KCTD1: variants seen among roughly 807,000 people sequenced by gnomAD.
KCTD1 encodes the protein potassium channel tetramerization domain containing 1, also known as BTB/POZ domain-containing protein KCTD1.
KCTD1 carries 24 observed loss-of-function variants against 66.0 expected under a neutral mutation model. That is an observed-to-expected ratio of 0.36 (90% confidence interval 0.26 to 0.51). The LOEUF is 0.51. KCTD1 is among the 20% of genes least tolerant of loss of function. The pLI is 0.95. For missense variants in KCTD1, 943 were observed against 1,205.2 expected (o/e 0.78, Z 3.22); for synonymous variants, 511 against 517.2 (o/e 0.99, Z 0.16).
chr18:26,576,290 A>G (rs1232165254), intron 1 of KCTD1, among the ~76,000 whole-genome samples: 1 of 152,220 alleles, frequency 6.6e-6, no homozygotes, highest in African/African-American at 2.4e-5. Flanking sequence ...AATGCATAGT[A>G]CATGGTAGGA....
chr18:26,572,721 GC>G (rs1441649336), intron 1 of KCTD1, among the ~76,000 whole-genome samples: 2 of 152,132 alleles, frequency 1.3e-5, no homozygotes, highest in South Asian at 2.1e-4. Context: ...TTCAGGAACT[GC>G]CCCCCATGGT....
intron 2 of KCTD1, among the ~76,000 whole-genome samples, chr18:26,495,335 C>T (rs17224733): frequency 0.045 from 6,925 of 152,262 alleles, 204 homozygotes; most frequent in Non-Finnish European, 0.069. Flanking sequence ...TGAATGTATG[C>T]ACCAATCCCT....
chr18:26,616,226 C>G (rs922152857), intron 1 of KCTD1, among the ~76,000 whole-genome samples: 4 of 149,760 alleles, frequency 2.7e-5, no homozygotes, highest in Non-Finnish European at 5.9e-5. Context: ...CATGGCTCAT[C>G]ATCATGGGTC....
intron 3 of KCTD1, among the ~76,000 whole-genome samples, chr18:26,463,367 T>C (rs1980542517): frequency 6.6e-6 from 1 of 151,684 alleles, no homozygotes; most frequent in South Asian, 2.1e-4. Context: ...CAGTGAGCTA[T>C]GTTTGCATCA....
In KCTD1 at chr18:26,502,067, T is replaced by C. The variant is rs1198401306; in HGVS notation, c.1810-817A>G. ...AAATTGTACCTTTTTTTTCTTTTTT[T>C]GAGATGGAGTCTCGCTCTGTCGCCC... On this transcript the variant is annotated intron_variant, in intron 1 of 4. Coordinates refer to ENST00000580059, the MANE Select transcript of KCTD1 (RefSeq NM_001142730.3). 2.6e-5 allele frequency among the ~76,000 whole-genome samples: 4 copies of C among 152,226 alleles called. No homozygotes were observed. In the East Asian group the frequency reaches 7.7e-4, roughly 29 times the overall value.
intron 1 of KCTD1, among the ~76,000 whole-genome samples, chr18:26,536,193 C>G (rs1002570617): frequency 2.6e-5 from 4 of 152,148 alleles, no homozygotes; most frequent in Non-Finnish European, 5.9e-5. Flanking sequence ...GCTCCAAAGC[C>G]ATACATTTAG....
chr18:26,584,792 G>A (rs1315735873), intron 1 of KCTD1, among the ~76,000 whole-genome samples: 1 of 152,156 alleles, frequency 6.6e-6, no homozygotes, highest in African/African-American at 2.4e-5. Flanking sequence ...TAGAGTAGGT[G>A]AAGTATAAAC....
chr18:26,627,750 T>C (rs1380029008), intron 1 of KCTD1, among the ~76,000 whole-genome samples: 2 of 152,224 alleles, frequency 1.3e-5, no homozygotes, highest in Non-Finnish European at 2.9e-5. Context: ...TTCTATGATG[T>C]CATTAGTTTT....
At chr18:26,605,198 G>A (rs1218778571) in intron 1 of KCTD1, among the ~76,000 whole-genome samples, 2 of 152,228 alleles carry the variant, frequency 1.3e-5, no homozygotes, top group African/African-American at 2.4e-5. Context: ...TCACTTAGCT[G>A]CAAGGGAAGC....
At chr18:26,514,341 C>T (rs916480432) in intron 1 of KCTD1, among the ~76,000 whole-genome samples, 10 of 151,960 alleles carry the variant, frequency 6.6e-5, no homozygotes, top group Non-Finnish European at 1.0e-4. Flanking sequence ...CTGCTTGCGG[C>T]CAGGAGTTCG....
At chr18:26,491,827 T>C (rs1982216454) in intron 2 of KCTD1, among the ~76,000 whole-genome samples, 1 of 152,188 alleles carries the variant, frequency 6.6e-6, no homozygotes, top group Admixed American at 6.5e-5. Context: ...ACTTGACCTT[T>C]TGTCTAAAAA....
intron 1 of KCTD1, among the ~76,000 whole-genome samples, chr18:26,583,296 A>G (rs11875899): frequency 0.026 from 3,797 of 147,050 alleles, 114 homozygotes; most frequent in African/African-American, 0.074. Context: ...CAGGAGGCTG[A>G]GGCAGGAGAA....
chr18:26,505,034 C>T (rs1451599354), intron 1 of KCTD1, among the ~76,000 whole-genome samples: 1 of 152,274 alleles, frequency 6.6e-6, no homozygotes, highest in African/African-American at 2.4e-5. Context: ...AGCCTCCCAC[C>T]TCTAGATTTC....
At chr18:26,632,054 C>G (rs1252351958), upstream of KCTD1, among the ~76,000 whole-genome samples, 1 of 137,760 alleles carries the variant, frequency 7.3e-6, no homozygotes, top group Non-Finnish European at 1.6e-5. Context: ...CGTCTCAAAA[C>G]AAACAAACAA....
intron 1 of KCTD1, among the ~76,000 whole-genome samples, chr18:26,590,304 G>A (rs986359794): frequency 2.6e-5 from 4 of 151,832 alleles, no homozygotes; most frequent in Admixed American, 1.3e-4. Context: ...GGCCAAGCTG[G>A]TCTCAAACTC....
intron 1 of KCTD1, among the ~76,000 whole-genome samples, chr18:26,516,906 C>T (rs1983679951): frequency 6.6e-6 from 1 of 152,192 alleles, no homozygotes; most frequent in Admixed American, 6.5e-5. Context: ...AAAGAAAAAA[C>T]AAACCCCACA....
chr18:26,601,326 T>TAAAAAAAAAAAAA (rs61521451), intron 1 of KCTD1, among the ~76,000 whole-genome samples: 13 of 93,258 alleles, frequency 1.4e-4, no homozygotes, highest in South Asian at 4.6e-4. Context: ...TGTTCATTGG[T>TAAAAAAAAAAAAA]AAAAAAAAAA....
At position 26,579,987 on chromosome 18, in the gene KCTD1, C is replaced by T. The variant is rs112216299; in HGVS notation, c.-16+49160G>A. ...GTGTGGAGAAGTTGGCCAATGGTAACATAGCCCTTGTGGATTCTCTCAGAA... is the reference window on the plus strand; with the variant it reads ...GTGTGGAGAAGTTGGCCAATGGTAATATAGCCCTTGTGGATTCTCTCAGAA... On this transcript the variant is annotated intron_variant, in intron 1 of 4. Coordinates refer to the KCTD1 transcript ENST00000317932. 6.1e-3 allele frequency among the ~76,000 whole-genome samples: 925 copies of T among 152,286 alleles called. 9 individuals are homozygous for T. The highest frequency in any genetic ancestry group is 0.031 in the Middle Eastern group (9 of 294).
intron 1 of KCTD1, among the ~76,000 whole-genome samples, chr18:26,540,491 A>C (rs1242295753): frequency 6.6e-6 from 1 of 152,144 alleles, no homozygotes; most frequent in African/African-American, 2.4e-5. Context: ...TTTCAATGAA[A>C]GTCACACCAA....
Sources: gnomAD v4.1 joint callset for allele counts (sites outside exome capture counted in the v4.1 genomes callset) on GRCh38, gnomAD v4.1.1 for gene constraint, MANE v1.5 for transcripts, NCBI Gene and HGNC (gene_info 2026-07-23, HGNC 2026-07-21) for gene names.